The following CCDC159 variants were observed in gnomAD, a reference collection of about 807,000 sequenced individuals.
CCDC159 encodes the protein coiled-coil domain-containing protein 159.
In CCDC159, 40 loss-of-function variants were observed where a neutral mutation model predicts 50.9. That is an observed-to-expected ratio of 0.79 (90% CI 0.61 to 1.02). The LOEUF (loss-of-function observed/expected upper bound fraction) is 1.02. Among genes scored for constraint, CCDC159 ranks in the 50% least tolerant of loss-of-function variants. The probability of loss-of-function intolerance (pLI) is 0.00; values close to 1 mark genes in which losing one functional copy is unlikely to be tolerated. For missense variants in CCDC159, 356 were observed against 371.5 expected, an observed-to-expected ratio of 0.96 and a Z score of 0.34; for synonymous variants, 146 against 138.9, an observed-to-expected ratio of 1.05 and a Z score of -0.36.
chr19:11,352,030 G>A (rs556311528), intron 6 of CCDC159, 27 bp from the exon 7 acceptor site: 1 of 1,613,418 alleles, frequency 6.2e-7, no homozygotes, highest in Non-Finnish European at 8.5e-7. Context: ...TTCAGCCTTT[G>A]TCCGCCTGAG....
rs988942501 is a variant in CCDC159 at position 11,350,825 on chromosome 19, G to A, written c.244G>A (p.Gly82Ser). The part of the protein sequence containing the change: ...QQLEEVLSPT[G>S]RQGEKEEHKW... ...CTCTGCAGAGGTGCTGAGCCCCACA[G>A]GCCGCCAGGGAGAGAAGGAGGAGCA... is the stretch of plus-strand genomic sequence containing the variant. The change falls in exon 5 of 11, where the codon GGC becomes AGC. Residue 82 changes from glycine (G) to serine (S), a missense_variant. Physicochemically the swap from Gly to Ser is moderately conservative, Grantham distance 56 (BLOSUM62 0). Coordinates refer to ENST00000458408, the MANE Select transcript of CCDC159 (RefSeq NM_001080503.3). The A allele has an allele frequency of 1.3e-6, 2 of 1,549,418 alleles. No homozygotes were observed. Among genetic ancestry groups the A allele is most frequent in the Middle Eastern group, 2.1e-4 (1 of 4,718 alleles).
At chr19:11,350,308 G>A in intron 4 of CCDC159, 109 bp downstream of exon 4, 1 of 602,406 alleles carries the variant, frequency 1.7e-6, no homozygotes, top group Non-Finnish European at 2.8e-6. Flanking sequence ...GAGGTCAGGA[G>A]TTTGAGACCA....
intron 1 of CCDC159, 184 bp from the exon 2 acceptor site, chr19:11,349,470 G>A: frequency 1.4e-6 from 1 of 698,498 alleles, no homozygotes; most frequent in South Asian, 1.8e-5. Context: ...GCACTTCTGA[G>A]CATATGTAGC....
At chr19:11,353,024 T>C (rs1289643056) in intron 7 of CCDC159, among the ~76,000 whole-genome samples, 1 of 152,186 alleles carries the variant, frequency 6.6e-6, no homozygotes, top group Non-Finnish European at 1.5e-5. Context: ...AGCTGAGTAC[T>C]GTGCACTTGA....
Position 11,350,994 on chromosome 19 carries a change from TC to T in CCDC159, c.415del (p.Arg139GlyfsTer18), listed in dbSNP as rs1390316193. The T allele has an allele frequency of 6.5e-7, 1 of 1,548,196 alleles. No homozygotes were observed. The highest frequency in any genetic ancestry group is 8.7e-7 in the Non-Finnish European group (1 of 1,145,804). Reference protein sequence around the residue: ...TRCLQLLAQEIRDSKKFLWEE... With the variant: ...TRCLQLLAQEXRDSKKFLWEE... ...TGCCTGCAGCTGCTGGCCCAGGAGA[TC>T]CGGGACAGGTCGGGGATGGCGGGAG... On this transcript the variant is annotated frameshift_variant, in exon 5 of 11. Transcript: ENST00000458408. LOFTEE classifies it high-confidence loss of function.
In CCDC159 at chr19:11,351,047, G is replaced by A. The variant is rs1267678256; in HGVS notation, c.422+44G>A. 4 of 1,487,682 alleles carry A rather than the reference G, an allele frequency of 2.7e-6. No homozygotes were observed. The Admixed American group carries it at 8.9e-5, about 33-fold the overall frequency. The allele number at this position is 1,487,682 out of a possible 1,614,324, so 92.2% of individuals were successfully genotyped here. A position where few individuals can be genotyped will look rare whatever the true frequency, so the allele number is the denominator to read the frequency against. On this transcript the variant is annotated intron_variant, in intron 5 of 10. Coordinates refer to ENST00000458408, the MANE Select transcript of CCDC159 (RefSeq NM_001080503.3). ...GCAGCTTGGAGTCCACAGGAGGGAA[G>A]GGAGACCCAGAACTGGGGAATGGAG...
At chr19:11,353,972 G>A (rs1967736572) in intron 9 of CCDC159, 98 bp downstream of exon 9, 3 of 935,108 alleles carry the variant, frequency 3.2e-6, no homozygotes, top group Non-Finnish European at 4.8e-6. Flanking sequence ...ACATCTGATG[G>A]GTGTTATTCT....
intron 9 of CCDC159, 27 bp downstream of exon 9, chr19:11,353,901 G>T (rs775239404): frequency 1.3e-6 from 2 of 1,528,824 alleles, no homozygotes; most frequent in South Asian, 1.2e-5. Flanking sequence ...ATTGCTCAGG[G>T]GTGGGAGGTC....
At chr19:11,352,173 AGG>A (rs1369372906) in intron 7 of CCDC159, 40 bp downstream of exon 7, 1 of 1,598,824 alleles carries the variant, frequency 6.3e-7, no homozygotes, top group Middle Eastern at 1.7e-4. Flanking sequence ...GGAGTGGGAG[AGG>A]GAGGGATGGG....
intron 1 of CCDC159, among the ~76,000 whole-genome samples, chr19:11,347,181 A>G (rs1329019827): frequency 6.6e-6 from 1 of 152,132 alleles, no homozygotes; most frequent in Non-Finnish European, 1.5e-5. Flanking sequence ...AGGACATTTC[A>G]GGCAGAAGAA....
At chr19:11,351,761 G>A in intron 5 of CCDC159, 145 bp from the exon 6 acceptor site, 1 of 658,932 alleles carries the variant, frequency 1.5e-6, no homozygotes, top group Non-Finnish European at 2.7e-6. Flanking sequence ...GATGAGGGTA[G>A]GGGGATTGTA....
intron 1 of CCDC159, 140 bp downstream of exon 1, chr19:11,346,767 G>A: frequency 2.1e-6 from 2 of 956,960 alleles, no homozygotes; most frequent in Non-Finnish European, 1.6e-6. Flanking sequence ...ATGGGACGGG[G>A]AGAGAGGAGG....
At chr19:11,348,198 CT>C (rs1444653412) in intron 1 of CCDC159, 3 of 455,814 alleles carry the variant, frequency 6.6e-6, no homozygotes, top group Non-Finnish European at 1.3e-5. Flanking sequence ...TTTCTTTGGA[CT>C]CTTCTGAGGC....
intron 1 of CCDC159, chr19:11,349,427 A>G (rs974809665): frequency 1.7e-6 from 1 of 596,986 alleles, no homozygotes; most frequent in African/African-American, 1.9e-5. Flanking sequence ...TTCCATGGGG[A>G]TTTGGCTGTG....
rs763316641 is a variant in CCDC159 at position 11,352,138 on chromosome 19, G to T, written c.567+5G>T. 2 of 1,612,892 alleles carry T rather than the reference G, an allele frequency of 1.2e-6. No individual in the cohort carries two copies. Among genetic ancestry groups the T allele is most frequent in the Non-Finnish European group, 8.5e-7 (1 of 1,179,792 alleles). ...ACGCAGGTGAAATGCCGCAAAGTGAGTGGAGGAGATGGGGACCCTGGGGAG... is the reference window on the plus strand; with the variant it reads ...ACGCAGGTGAAATGCCGCAAAGTGATTGGAGGAGATGGGGACCCTGGGGAG... On this transcript the variant is annotated splice_donor_5th_base_variant and intron_variant, in intron 7 of 10. Coordinates refer to ENST00000458408, the MANE Select transcript of CCDC159 (RefSeq NM_001080503.3).
intron 9 of CCDC159, 102 bp from the exon 10 acceptor site, chr19:11,354,478 G>T: frequency 9.4e-7 from 1 of 1,060,038 alleles, no homozygotes; most frequent in Non-Finnish European, 1.3e-6. Flanking sequence ...GGGAATTGGG[G>T]GTCATGGTTT....
At position 11,353,512 on chromosome 19, in the gene CCDC159, T is replaced by TA. The variant is rs765932066; in HGVS notation, c.630dup (p.Pro211ThrfsTer11). On this transcript the variant is annotated frameshift_variant, in exon 8 of 11. Coordinates refer to ENST00000458408, the MANE Select transcript of CCDC159 (RefSeq NM_001080503.3). LOFTEE classifies it high-confidence loss of function. ...GCCGCCTGTCCGGAGACTGAAGAGA[T>TA]ACCGCAGGGAGCCAGTGGCTGCTGG... The TA allele has an allele frequency of 6.2e-7, 1 of 1,612,776 alleles. No homozygotes were observed. Among genetic ancestry groups the TA allele is most frequent in the Admixed American group, 1.7e-5 (1 of 59,816 alleles).
chr19:11,348,134 A>C, intron 1 of CCDC159: 1 of 456,592 alleles, frequency 2.2e-6, no homozygotes, highest in Non-Finnish European at 4.4e-6. Flanking sequence ...GCTTTTGCAC[A>C]TGCTGCTCCC....
intron 5 of CCDC159, chr19:11,351,273 C>T (rs1289922924): frequency 7.9e-6 from 3 of 381,108 alleles, no homozygotes; most frequent in Non-Finnish European, 4.8e-6. Context: ...CCCATCTCTA[C>T]TAAAAATACA....
Sources: allele counts gnomAD v4.1 joint callset (sites outside exome capture counted in the v4.1 genomes callset), GRCh38; gene constraint gnomAD v4.1.1; transcripts MANE v1.5; gene names NCBI Gene and HGNC (gene_info 2026-07-23, HGNC 2026-07-21).